ARNT2: variants seen among roughly 807,000 people sequenced by gnomAD.
ARNT2 encodes the protein ARNT protein 2.
A neutral mutation model predicts 91.7 loss-of-function variants in ARNT2; 36 were observed. That is an observed-to-expected ratio of 0.39 (90% CI 0.30 to 0.52). ARNT2 has a LOEUF of 0.52. ARNT2 is among the 20% of genes least tolerant of loss of function. The pLI, the probability that ARNT2 is intolerant of heterozygous loss-of-function variation, is 0.72. For synonymous variants in ARNT2, 365 were observed against 347.1 expected (o/e 1.05, Z -0.57); for missense variants, 775 against 939.3 (o/e 0.83, Z 2.29).
intron 5 of ARNT2, among the ~76,000 whole-genome samples, chr15:80,505,927 G>GTTTTTTGT (rs1897267265): frequency 1.1e-5 from 1 of 88,930 alleles, no homozygotes; most frequent in Non-Finnish European, 2.2e-5. Flanking sequence ...AACATTTGTT[G>GTTTTTTGT]TTTTTTTTTT....
In ARNT2 at chr15:80,428,929, GA is replaced by G. The variant is rs551163200; in HGVS notation, c.32-21950del. On this transcript the variant is annotated intron_variant, in intron 1 of 18. Coordinates refer to ENST00000303329, the MANE Select transcript of ARNT2 (RefSeq NM_014862.4). ...AGCAAGTAGATTGGAAAAGATATAC[GA>G]TCGATCTGATACAATATATGTCATC... 3.1e-3 allele frequency among the ~76,000 whole-genome samples: 473 copies of G among 152,014 alleles called. 2 individuals are homozygous for G. Among genetic ancestry groups the G allele is most frequent in the African/African-American group, 0.011 (447 of 41,444 alleles).
At chr15:80,424,262 G>A (rs1895903293) in intron 1 of ARNT2, among the ~76,000 whole-genome samples, 1 of 152,200 alleles carries the variant, frequency 6.6e-6, no homozygotes, top group South Asian at 2.1e-4. Context: ...GGTTCTCTGG[G>A]TTGTCCCCAG....
At chr15:80,461,777 A>C (rs1896557664) in intron 3 of ARNT2, among the ~76,000 whole-genome samples, 1 of 152,126 alleles carries the variant, frequency 6.6e-6, no homozygotes, top group African/African-American at 2.4e-5. Context: ...CCTTTCTGCC[A>C]AGGAGGCAAA....
Position 80,576,896 on chromosome 15 carries a change from C to T in ARNT2, c.1544C>T (p.Ala515Val), listed in dbSNP as rs1347561735. The T allele has an allele frequency of 6.2e-7, 1 of 1,614,108 alleles. No individual in the cohort carries two copies. Among genetic ancestry groups the T allele is most frequent in the Non-Finnish European group, 8.5e-7 (1 of 1,180,030 alleles). ...AAGAAGATGATGAGCTCAGCCTCTGCAGCAGGAACCCAGCAGATCTACTCC... is the reference window on the plus strand; with the variant it reads ...AAGAAGATGATGAGCTCAGCCTCTGTAGCAGGAACCCAGCAGATCTACTCC... ...SEKKMMSSASAAGTQQIYSQG... is the reference protein window; with the variant it reads ...SEKKMMSSASVAGTQQIYSQG... Residue 515 changes from alanine (A) to valine (V), a missense_variant, in exon 15 of 19, where the codon GCA (alanine) becomes GTA (valine). Ala to Val is a moderately conservative substitution (Grantham distance 64, BLOSUM62 0). This residue lies in a region of ARNT2 where 325 missense variants were observed against 359.9 expected (regional missense o/e 0.90). Coordinates refer to ENST00000303329, the MANE Select transcript of ARNT2 (RefSeq NM_014862.4).
chr15:80,538,292 A>G (rs1354470683), intron 8 of ARNT2, among the ~76,000 whole-genome samples: 1 of 152,222 alleles, frequency 6.6e-6, no homozygotes, highest in Non-Finnish European at 1.5e-5. Context: ...AATATGGCCA[A>G]TAATCTTGAT....
At chr15:80,568,928 ACACACACGCG>A (rs1446552662) in intron 12 of ARNT2, among the ~76,000 whole-genome samples, 1 of 151,844 alleles carries the variant, frequency 6.6e-6, no homozygotes, top group African/African-American at 2.4e-5. Flanking sequence ...GCTCTAACAC[ACACACACGCG>A]CACACACACG....
intron 12 of ARNT2, among the ~76,000 whole-genome samples, chr15:80,568,082 G>A (rs1464596471): frequency 6.6e-6 from 1 of 152,150 alleles, no homozygotes; most frequent in Admixed American, 6.5e-5. Context: ...GAACATTTGT[G>A]TAAAGCCACT....
rs780125753 is a variant in ARNT2 at position 80,552,688 on chromosome 15, A to G, written c.1003A>G (p.Thr335Ala). 3 of 1,614,046 alleles carry G rather than the reference A, an allele frequency of 1.9e-6. No individual in the cohort carries two copies. The highest frequency in any genetic ancestry group is 2.5e-6 in the Non-Finnish European group (3 of 1,180,008). ...CMDMNGMSVPTEFLSRHNSDG... is the reference protein window; with the variant it reads ...CMDMNGMSVPAEFLSRHNSDG... The stretch of plus-strand genomic sequence containing the variant: ...GGACATGAATGGGATGTCGGTGCCC[A>G]CAGAGTTCTTATCCCGGCATAACTC... Residue 335 changes from threonine (T) to alanine (A), a missense_variant, in exon 10 of 19, where the codon ACA becomes GCA. Transcript: ENST00000303329.
chr15:80,409,638 T>C lies in ARNT2; in HGVS notation c.31+5092T>C, dbSNP rs139465962. Among the ~76,000 whole-genome samples the C allele has an allele frequency of 2.9e-3, 439 of 152,352 alleles. 1 individual carries two copies. The highest frequency in any genetic ancestry group is 0.01 in the African/African-American group (420 of 41,582). On this transcript the variant is annotated intron_variant, in intron 1 of 18. Coordinates refer to ENST00000303329, the MANE Select transcript of ARNT2 (RefSeq NM_014862.4). The stretch of plus-strand genomic sequence containing the variant: ...GGTATAACTCCTACCATCATGCTGC[T>C]TGCTAGCAAGACAAATAGTCACAAA...
chr15:80,533,547 C>T (rs1897775139), intron 8 of ARNT2, among the ~76,000 whole-genome samples: 1 of 152,158 alleles, frequency 6.6e-6, no homozygotes, highest in African/African-American at 2.4e-5. Context: ...ACTTCAGATG[C>T]CCATCCTGCT....
At chr15:80,425,896 T>C (rs1895925908) in intron 1 of ARNT2, among the ~76,000 whole-genome samples, 1 of 152,034 alleles carries the variant, frequency 6.6e-6, no homozygotes, top group African/African-American at 2.4e-5. Flanking sequence ...AACAAATCTT[T>C]TAAAAATTAG....
intron 11 of ARNT2, chr15:80,555,370 A>G: frequency 4.0e-6 from 2 of 500,628 alleles, no homozygotes; most frequent in Non-Finnish European, 7.2e-6. Context: ...ATGAAGAAAA[A>G]CATTGCAGAG....
Position 80,593,704 on chromosome 15 carries a change from G to T in ARNT2, c.*6G>T. On this transcript the variant is annotated 3_prime_UTR_variant, in exon 19 of 19. Transcript: ENST00000303329. ...TTCCACCGTTTTCTGAGTAGCTGCG[G>T]CCAGAGTGAGGCTCCTGCTGTACAG... is the stretch of plus-strand genomic sequence containing the variant. 6.3e-7 allele frequency: 1 copy of T among 1,595,764 alleles called. No homozygotes were observed. Among genetic ancestry groups the T allele is most frequent in the Middle Eastern group, 1.7e-4 (1 of 6,038 alleles).
intron 17 of ARNT2, among the ~76,000 whole-genome samples, chr15:80,582,958 T>G (rs1475828952): frequency 6.6e-6 from 1 of 152,146 alleles, no homozygotes; most frequent in Non-Finnish European, 1.5e-5. Flanking sequence ...GTGGGCCTCA[T>G]AGACTCAAGG....
chr15:80,438,890 T>C (rs568305354), intron 1 of ARNT2, among the ~76,000 whole-genome samples: 1 of 152,316 alleles, frequency 6.6e-6, no homozygotes, highest in African/African-American at 2.4e-5. Flanking sequence ...GGGGTTTCAC[T>C]GTGTTGGCCA....
chr15:80,454,713 C>G (rs567230753), intron 2 of ARNT2, among the ~76,000 whole-genome samples: 87 of 152,304 alleles, frequency 5.7e-4, no homozygotes, highest in African/African-American at 2.0e-3. Context: ...CACTGTGGGA[C>G]CAGCCCTTTT....
intron 14 of ARNT2, among the ~76,000 whole-genome samples, chr15:80,575,843 CA>C (rs2141477201): frequency 6.6e-6 from 1 of 152,306 alleles, no homozygotes; most frequent in South Asian, 2.1e-4. Flanking sequence ...AGCTGAGTTC[CA>C]GAGTGGGAAG....
At chr15:80,501,606 C>A (rs770456792) in intron 5 of ARNT2, among the ~76,000 whole-genome samples, 5 of 152,200 alleles carry the variant, frequency 3.3e-5, no homozygotes, top group African/African-American at 4.8e-5. Flanking sequence ...GGTCTGAATG[C>A]CGTCTCTCCC....
intron 6 of ARNT2, among the ~76,000 whole-genome samples, chr15:80,511,630 G>A (rs1436282358): frequency 6.6e-6 from 1 of 152,090 alleles, no homozygotes; most frequent in Non-Finnish European, 1.5e-5. Context: ...ATGGACCTGG[G>A]GATTGACATC....
Sources: gnomAD v4.1 joint callset for allele counts (sites outside exome capture counted in the v4.1 genomes callset) on GRCh38, gnomAD v4.1.1 for gene constraint, gnomAD v4.1.1 regional missense constraint, MANE v1.5 for transcripts, NCBI Gene and HGNC (gene_info 2026-07-23, HGNC 2026-07-21) for gene names.